The following SLC9A9 variants were observed in gnomAD, a reference collection of about 807,000 sequenced individuals.
The protein encoded by SLC9A9 is solute carrier family 9 member A9, also known as sodium/hydrogen exchanger 9.
In SLC9A9, 62 loss-of-function variants were observed where a neutral mutation model predicts 77.8. That is an observed-to-expected ratio of 0.80 (90% CI 0.65 to 0.98). The LOEUF is 0.98. SLC9A9 is among the 50% of genes least tolerant of loss of function. The pLI, the probability that SLC9A9 is intolerant of heterozygous loss-of-function variation, is 0.00. For synonymous variants in SLC9A9, 320 were observed against 283.5 expected, an observed-to-expected ratio of 1.13 and a Z score of -1.29; for missense variants, 775 against 774.9, an observed-to-expected ratio of 1.00 and a Z score of 0.00.
chr3:143,662,888 C>A (rs1040835208), intron 5 of SLC9A9, among the ~76,000 whole-genome samples: 1 of 152,088 alleles, frequency 6.6e-6, no homozygotes, highest in Admixed American at 6.6e-5. Flanking sequence ...CATAGCTGAA[C>A]AAAAGTGAGC....
At chr3:143,375,959 A>T (rs994570929) in intron 13 of SLC9A9, among the ~76,000 whole-genome samples, 8 of 152,076 alleles carry the variant, frequency 5.3e-5, no homozygotes, top group African/African-American at 1.7e-4. Flanking sequence ...CTTCCTTTAG[A>T]CATCTGCATG....
At chr3:143,757,165 A>C (rs2108829219) in intron 4 of SLC9A9, among the ~76,000 whole-genome samples, 1 of 152,168 alleles carries the variant, frequency 6.6e-6, no homozygotes, top group African/African-American at 2.4e-5. Flanking sequence ...CACAACTCAA[A>C]CCAATACCAG....
At chr3:143,505,016 T>G (rs1439773197) in intron 9 of SLC9A9, among the ~76,000 whole-genome samples, 1 of 152,058 alleles carries the variant, frequency 6.6e-6, no homozygotes, top group Non-Finnish European at 1.5e-5. Context: ...TGTTTGATCA[T>G]CGGAACAAGT....
At chr3:143,487,823 C>T (rs141580770) in intron 11 of SLC9A9, among the ~76,000 whole-genome samples, 199 of 151,376 alleles carry the variant, frequency 1.3e-3, no homozygotes, top group African/African-American at 4.3e-3. Flanking sequence ...AACCTAACTT[C>T]ACAACTTAAA....
chr3:143,763,993 A>G (rs1053644713), intron 4 of SLC9A9, among the ~76,000 whole-genome samples: 2 of 152,176 alleles, frequency 1.3e-5, no homozygotes, highest in Non-Finnish European at 2.9e-5. Context: ...TCTCCAAACC[A>G]TGAAAGACCA....
chr3:143,416,110 T>C (rs951543525), intron 12 of SLC9A9, among the ~76,000 whole-genome samples: 11 of 152,146 alleles, frequency 7.2e-5, no homozygotes, highest in Non-Finnish European at 5.9e-5. Flanking sequence ...TGTGACCAAA[T>C]TGCTGCAATC....
intron 14 of SLC9A9, among the ~76,000 whole-genome samples, chr3:143,334,029 T>C (rs553517162): frequency 2.0e-5 from 3 of 152,294 alleles, no homozygotes; most frequent in African/African-American, 4.8e-5. Context: ...TTTGAAAAAA[T>C]AATCTGCTAC....
At chr3:143,320,829 T>C (rs938385715) in intron 14 of SLC9A9, among the ~76,000 whole-genome samples, 1 of 152,182 alleles carries the variant, frequency 6.6e-6, no homozygotes, top group Admixed American at 6.5e-5. Context: ...TTTGCAGATA[T>C]AATTAAGATG....
At chr3:143,756,074 A>G (rs758626140) in intron 4 of SLC9A9, among the ~76,000 whole-genome samples, 15 of 152,226 alleles carry the variant, frequency 9.9e-5, no homozygotes, top group African/African-American at 2.4e-4. Flanking sequence ...TCTAAAATAC[A>G]GGGCCAGGTA....
At chr3:143,776,143 G>A (rs937055751) in intron 4 of SLC9A9, among the ~76,000 whole-genome samples, 6 of 151,908 alleles carry the variant, frequency 3.9e-5, no homozygotes, top group African/African-American at 1.5e-4. Context: ...ACAATTTTCT[G>A]GCCTAATTTA....
intron 6 of SLC9A9, among the ~76,000 whole-genome samples, chr3:143,614,253 T>C (rs1441427305): frequency 6.6e-6 from 1 of 152,238 alleles, no homozygotes; most frequent in African/African-American, 2.4e-5. Context: ...GTTAGCTCTC[T>C]ACACAGGTTG....
intron 1 of SLC9A9, among the ~76,000 whole-genome samples, chr3:143,837,173 T>C (rs975943903): frequency 6.6e-6 from 1 of 152,246 alleles, no homozygotes; most frequent in Non-Finnish European, 1.5e-5. Flanking sequence ...TGTTCAACAC[T>C]ATAATTGTGT....
intron 6 of SLC9A9, among the ~76,000 whole-genome samples, chr3:143,608,733 C>G (rs1045163408): frequency 6.6e-6 from 1 of 151,720 alleles, no homozygotes; most frequent in Non-Finnish European, 1.5e-5. Context: ...ACAGACATAA[C>G]GCATATGAAA....
At chr3:143,373,071 G>C (rs1003343193) in intron 13 of SLC9A9, among the ~76,000 whole-genome samples, 7 of 88,276 alleles carry the variant, frequency 7.9e-5, no homozygotes, top group African/African-American at 3.1e-4. Flanking sequence ...ACCAAAAGTA[G>C]ATTTACCATT....
chr3:143,375,411 T>A (rs1559888401), intron 13 of SLC9A9, among the ~76,000 whole-genome samples: 1 of 152,196 alleles, frequency 6.6e-6, no homozygotes, highest in Non-Finnish European at 1.5e-5. Context: ...TTTTCTCTGG[T>A]CAACAGAATG....
At chr3:143,346,941 A>G (rs1024645106) in intron 14 of SLC9A9, 1 of 152,256 alleles carries the variant, frequency 6.6e-6, no homozygotes, top group Non-Finnish European at 1.5e-5. Flanking sequence ...TTTATCAAAT[A>G]ATAAATATGC....
At chr3:143,274,860 C>A (rs757698473) in intron 14 of SLC9A9, among the ~76,000 whole-genome samples, 2 of 152,192 alleles carry the variant, frequency 1.3e-5, no homozygotes, top group African/African-American at 4.8e-5. Flanking sequence ...CTCCCATTTA[C>A]AAAACTCCTG....
At chr3:143,519,970 A>C (rs926902778) in intron 9 of SLC9A9, among the ~76,000 whole-genome samples, 1 of 152,218 alleles carries the variant, frequency 6.6e-6, no homozygotes, top group Admixed American at 6.5e-5. Flanking sequence ...TTTAAGATGC[A>C]TAATAGATAT....
chr3:143,743,568 G>A (rs915744526), intron 4 of SLC9A9, among the ~76,000 whole-genome samples: 1 of 152,058 alleles, frequency 6.6e-6, no homozygotes, highest in African/African-American at 2.4e-5. Flanking sequence ...TTGGGTTTCT[G>A]TTTTGTTTTG....
Sources: allele counts gnomAD v4.1 joint callset (sites outside exome capture counted in the v4.1 genomes callset), GRCh38; gene constraint gnomAD v4.1.1; transcripts MANE v1.5; gene names NCBI Gene and HGNC (gene_info 2026-07-23, HGNC 2026-07-21).